Variants in GTF3C2 observed in about 807,000 individuals in gnomAD.
GTF3C2 encodes the protein general transcription factor 3C polypeptide 2.
In GTF3C2, 17 loss-of-function variants were observed where a neutral mutation model predicts 117.4. The ratio of observed to expected loss-of-function variants is 0.14; its 90% CI spans 0.10 to 0.22. The LOEUF is 0.22. GTF3C2 is among the 10% of genes least tolerant of loss of function. GTF3C2 has a pLI of 1.00. For synonymous variants in GTF3C2, 437 were observed against 427.0 expected (o/e 1.02, Z -0.29); for missense variants, 888 against 1,143.6 (o/e 0.78, Z 3.22).
intron 4 of GTF3C2, chr2:27,341,437 T>C (rs976066169): frequency 1.3e-5 from 2 of 154,372 alleles, no homozygotes; most frequent in African/African-American, 4.8e-5. Flanking sequence ...TTGGTTCCTA[T>C]AGGTCTATGT....
At chr2:27,333,606 A>G (rs1680354503) in intron 12 of GTF3C2, 49 bp downstream of exon 12, 1 of 1,345,156 alleles carries the variant, frequency 7.4e-7, no homozygotes, top group Non-Finnish European at 1.1e-6. Context: ...AGCATATATA[A>G]AAAATTTAAA....
chr2:27,355,955 T>C (rs1681358947), intron 1 of GTF3C2: 1 of 532,114 alleles, frequency 1.9e-6, no homozygotes, highest in African/African-American at 2.0e-5. Flanking sequence ...ATTTAAACTT[T>C]TTAAGTAAGT....
chr2:27,348,253 C>A (rs1680988307), intron 1 of GTF3C2, among the ~76,000 whole-genome samples: 1 of 144,068 alleles, frequency 6.9e-6, no homozygotes, highest in African/African-American at 2.6e-5. Context: ...GGCGACAGAG[C>A]AGGACTCCGT....
At chr2:27,333,895 A>G in intron 11 of GTF3C2, 79 bp downstream of exon 11, 1 of 1,458,912 alleles carries the variant, frequency 6.9e-7, no homozygotes, top group Admixed American at 1.7e-5. Context: ...CAGAAGTATA[A>G]GGAGACTCAC....
At chr2:27,354,396 G>A (rs1558626011) in intron 1 of GTF3C2, among the ~76,000 whole-genome samples, 1 of 152,198 alleles carries the variant, frequency 6.6e-6, no homozygotes, top group Non-Finnish European at 1.5e-5. Context: ...ATTTAGAGAG[G>A]AAATAAGAGT....
At chr2:27,345,190 A>G (rs554484991) in intron 1 of GTF3C2, among the ~76,000 whole-genome samples, 1 of 152,216 alleles carries the variant, frequency 6.6e-6, no homozygotes, top group Admixed American at 6.6e-5. Flanking sequence ...AGGCTCCTTG[A>G]GCCCAGGAGG....
chr2:27,343,511 C>T, exon 2 of GTF3C2: 2 of 1,613,778 alleles, frequency 1.2e-6, no homozygotes, highest in South Asian at 2.2e-5. Flanking sequence ...CCCCACGGGG[C>T]CGGCCTCCCC....
chr2:27,343,702 A>G (rs1680824676), intron 1 of GTF3C2, 124 bp from the exon 2 acceptor site: 1 of 756,564 alleles, frequency 1.3e-6, no homozygotes, highest in Non-Finnish European at 2.1e-6. Flanking sequence ...TTATTCACTT[A>G]TTCAACAATA....
At chr2:27,328,657 C>A in intron 15 of GTF3C2, 61 bp from the exon 16 acceptor site, 1 of 1,380,042 alleles carries the variant, frequency 7.2e-7, no homozygotes, top group Non-Finnish European at 1.0e-6. Flanking sequence ...GAACTGGTAA[C>A]AGCTGCACAG....
chr2:27,356,594 G>A (rs1239318810), intron 1 of GTF3C2, 145 bp downstream of exon 1: 2 of 163,684 alleles, frequency 1.2e-5, no homozygotes, highest in East Asian at 1.6e-4. Context: ...TGCTCTGTAG[G>A]AGCGCAGACG....
chr2:27,333,909 G>A, intron 11 of GTF3C2, 65 bp downstream of exon 11: 2 of 1,460,150 alleles, frequency 1.4e-6, no homozygotes, highest in Non-Finnish European at 1.9e-6. Flanking sequence ...GACTCACTGT[G>A]GAATCAGCAA....
At chr2:27,356,014 T>C (rs973576584) in intron 1 of GTF3C2, 2 of 918,086 alleles carry the variant, frequency 2.2e-6, no homozygotes, top group Admixed American at 2.3e-5. Context: ...TGATAAGAGA[T>C]TGCAAAAATA....
intron 1 of GTF3C2, chr2:27,355,995 T>C (rs1681360433): frequency 8.4e-6 from 6 of 717,764 alleles, no homozygotes; most frequent in South Asian, 2.9e-5. Flanking sequence ...CAGAAAACAA[T>C]AGTACAATTG....
At chr2:27,337,732 A>G in intron 5 of GTF3C2, 174 bp from the exon 6 acceptor site, 1 of 685,648 alleles carries the variant, frequency 1.5e-6, no homozygotes, top group Non-Finnish European at 2.6e-6. Flanking sequence ...TGAGAAACAG[A>G]GCCTTTCATT....
At chr2:27,346,317 C>T (rs1680913854) in intron 1 of GTF3C2, among the ~76,000 whole-genome samples, 1 of 137,990 alleles carries the variant, frequency 7.2e-6, no homozygotes, top group Admixed American at 7.5e-5. Context: ...AGCCACCGTG[C>T]CCATTCTGAT....
intron 12 of GTF3C2, among the ~76,000 whole-genome samples, chr2:27,331,967 T>TC (rs1680286097): frequency 6.6e-6 from 1 of 151,976 alleles, no homozygotes; most frequent in Admixed American, 6.6e-5. Context: ...ACCTAATAAC[T>TC]CCAACTACTT....
At chr2:27,328,225 C>T (rs887317911) in intron 16 of GTF3C2, 36 bp from the exon 17 acceptor site, 38 of 1,492,858 alleles carry the variant, frequency 2.5e-5, no homozygotes, top group Non-Finnish European at 3.5e-5. Flanking sequence ...TTCTATAATA[C>T]TCAAGACAGA....
At position 27,334,008 on chromosome 2, in the gene GTF3C2, A is replaced by G. The variant is rs1425383599; in HGVS notation, c.1577-9T>C. 6.2e-7 allele frequency: 1 copy of G among 1,606,502 alleles called. No individual in the cohort carries two copies. Among genetic ancestry groups the G allele is most frequent in the Admixed American group, 1.7e-5 (1 of 59,894 alleles). On this transcript the variant is annotated splice_polypyrimidine_tract_variant and intron_variant, in intron 10 of 18. Transcript: ENST00000264720. ...GGCAGGCTTCACTGCATCTGTGAGG[A>G]AAAAGAGCAGGAACTAACTCTATGG...
chr2:27,337,635 T>G lies in GTF3C2; in HGVS notation c.951-77A>C, dbSNP rs1241970593. 4 of 994,654 alleles carry G rather than the reference T, an allele frequency of 4.0e-6. No individual in the cohort carries two copies. The African/African-American group carries it at 6.3e-5, about 16-fold the overall frequency. 61.6% of individuals were successfully genotyped at this position (994,654 alleles called of 1,614,324 possible). ...AGTCCAATAAAACTTTCTGTGGGGA[T>G]GGAAATGATCCATTATCTGTGCTCC... is the stretch of plus-strand genomic sequence containing the variant. On this transcript the variant is annotated intron_variant, in intron 5 of 18. Coordinates refer to ENST00000264720, the Ensembl canonical transcript of GTF3C2.
Sources: allele counts gnomAD v4.1 joint callset (sites outside exome capture counted in the v4.1 genomes callset), GRCh38; gene constraint gnomAD v4.1.1; transcripts MANE v1.5; gene names NCBI Gene and HGNC (gene_info 2026-07-23, HGNC 2026-07-21).